Variants in TMEM266 observed in about 807,000 individuals in gnomAD.
The protein encoded by TMEM266 is Hv1 related protein 1.
TMEM266 carries 33 observed loss-of-function variants against 50.5 expected under a neutral mutation model. The observed-to-expected ratio is 0.65, with a 90% CI of 0.50 to 0.87. The LOEUF is 0.87. Ranked by LOEUF, TMEM266 falls within the 40% of genes least tolerant of loss-of-function variation. The pLI, the probability that TMEM266 is intolerant of heterozygous loss-of-function variation, is 0.00. For synonymous variants in TMEM266, 310 were observed against 292.3 expected (o/e 1.06, Z -0.62); for missense variants, 655 against 695.1 (o/e 0.94, Z 0.65).
At chr15:76,103,504 T>C (rs2037035433) in intron 1 of TMEM266, among the ~76,000 whole-genome samples, 1 of 151,946 alleles carries the variant, frequency 6.6e-6, no homozygotes, top group Non-Finnish European at 1.5e-5. Flanking sequence ...AAGGGTCGAG[T>C]TATTGTTTAC....
intron 1 of TMEM266, among the ~76,000 whole-genome samples, chr15:76,120,190 A>G (rs1360195928): frequency 2.0e-5 from 3 of 152,148 alleles, no homozygotes; most frequent in Non-Finnish European, 4.4e-5. Context: ...GAATGTTTCT[A>G]ATAGCACTTT....
chr15:76,123,433 T>C (rs994954583), intron 1 of TMEM266, among the ~76,000 whole-genome samples: 1 of 152,198 alleles, frequency 6.6e-6, no homozygotes, highest in Non-Finnish European at 1.5e-5. Flanking sequence ...TTTATGATGT[T>C]AGAACTGAAC....
At chr15:76,115,528 C>T (rs940882190) in intron 1 of TMEM266, among the ~76,000 whole-genome samples, 1 of 152,206 alleles carries the variant, frequency 6.6e-6, no homozygotes, top group African/African-American at 2.4e-5. Context: ...CCACCACCTG[C>T]GTCCTGGCCA....
intron 3 of TMEM266, among the ~76,000 whole-genome samples, chr15:76,151,286 A>G (rs191066123): frequency 6.6e-6 from 1 of 152,258 alleles, no homozygotes; most frequent in Admixed American, 6.5e-5. Context: ...TTACTGAACC[A>G]CTCAGGAATC....
At chr15:76,174,506 G>T (rs962871176) in intron 7 of TMEM266, among the ~76,000 whole-genome samples, 1 of 151,800 alleles carries the variant, frequency 6.6e-6, no homozygotes, top group African/African-American at 2.4e-5. Context: ...AGCTGAGATC[G>T]CCCACTGCAC....
At chr15:76,191,857 C>T in intron 8 of TMEM266, 111 bp from the exon 9 acceptor site, 2 of 1,004,030 alleles carry the variant, frequency 2.0e-6, no homozygotes, top group Non-Finnish European at 2.8e-6. Context: ...GGAGGCTCAG[C>T]CCAGTCCTCC....
At chr15:76,083,774 C>T (rs1025092938) in intron 1 of TMEM266, among the ~76,000 whole-genome samples, 4 of 152,114 alleles carry the variant, frequency 2.6e-5, no homozygotes, top group African/African-American at 7.2e-5. Context: ...TTTAATTCAC[C>T]ATTCTGTGTA....
At chr15:76,107,408 A>G (rs2037100001) in intron 1 of TMEM266, among the ~76,000 whole-genome samples, 1 of 152,180 alleles carries the variant, frequency 6.6e-6, no homozygotes, top group Non-Finnish European at 1.5e-5. Flanking sequence ...CTAATAAGTG[A>G]CTGCGTTGAG....
intron 7 of TMEM266, among the ~76,000 whole-genome samples, chr15:76,173,293 G>C (rs1346395618): frequency 6.6e-6 from 1 of 152,214 alleles, no homozygotes; most frequent in Non-Finnish European, 1.5e-5. Flanking sequence ...GAGAGGAAAT[G>C]TGGAGGGTTC....
intron 1 of TMEM266, among the ~76,000 whole-genome samples, chr15:76,102,770 C>T (rs1177783616): frequency 1.4e-5 from 2 of 141,380 alleles, no homozygotes; most frequent in Admixed American, 1.5e-4. Context: ...ACCCGGGAGG[C>T]GGAGGTTGCA....
rs2037871514 is a variant in TMEM266, at chr15:76,153,264, A to C, written c.228-3340A>C. Among the ~76,000 whole-genome samples the C allele has an allele frequency of 6.6e-6, 1 of 152,220 alleles. No individual in the cohort carries two copies. The highest frequency in any genetic ancestry group is 1.5e-5 in the Non-Finnish European group (1 of 68,048). Reference sequence around the variant, plus strand: ...GAATATATGGAACTAGTGCTCCTGAATACAATGCTTCGTTTCATTCCCTAC... The same window carrying C: ...GAATATATGGAACTAGTGCTCCTGACTACAATGCTTCGTTTCATTCCCTAC... On this transcript the variant is annotated intron_variant, in intron 3 of 10. Transcript: ENST00000388942. This position sits in a 1 kb window ranked among gnomAD's most constrained non-coding sequence, Gnocchi z 4.2.
At chr15:76,132,882 C>T (rs1408063423) in intron 1 of TMEM266, among the ~76,000 whole-genome samples, 1 of 149,918 alleles carries the variant, frequency 6.7e-6, no homozygotes, top group African/African-American at 2.4e-5. Context: ...CACCTGTAAT[C>T]CCAGCACTTT....
rs2142082264 is a variant in TMEM266 at position 76,192,037 on chromosome 15, G to A, written c.838G>A (p.Ala280Thr). 9.0e-6 allele frequency: 14 copies of A among 1,561,742 alleles called. No individual in the cohort carries two copies. Among genetic ancestry groups the A allele is most frequent in the Non-Finnish European group, 1.2e-5 (14 of 1,160,100 alleles). Residue 280 changes from alanine (A) to threonine (T), a missense_variant, in exon 9 of 11, where the codon GCG (alanine) becomes ACG (threonine). Around this residue, in one of 3 missense-constraint regions of TMEM266, gnomAD observed 455 missense variants for 401.8 expected, o/e 1.13. Coordinates refer to ENST00000388942, the MANE Select transcript of TMEM266 (RefSeq NM_152335.3). Reference sequence around the variant, plus strand: ...GGACCTGGCTGCCGAGCGCGAAGCGGCGCTCCAGGCCCCGCACGTGCTCAG... The same window carrying A: ...GGACCTGGCTGCCGAGCGCGAAGCGACGCTCCAGGCCCCGCACGTGCTCAG...
intron 5 of TMEM266, among the ~76,000 whole-genome samples, chr15:76,166,240 G>A (rs1305293118): frequency 1.3e-5 from 2 of 152,134 alleles, no homozygotes; most frequent in Non-Finnish European, 2.9e-5. Flanking sequence ...CTGCGGGGGG[G>A]AAAAGCCAGC....
intron 8 of TMEM266, among the ~76,000 whole-genome samples, chr15:76,185,704 G>A (rs1244678203): frequency 3.3e-5 from 5 of 152,176 alleles, no homozygotes; most frequent in African/African-American, 1.2e-4. Context: ...CATTGATGAT[G>A]CATTTTAGAG....
chr15:76,129,436 G>T (rs1187143826), intron 1 of TMEM266, among the ~76,000 whole-genome samples: 1 of 152,116 alleles, frequency 6.6e-6, no homozygotes, highest in Non-Finnish European at 1.5e-5. Flanking sequence ...GAGTTAGGGG[G>T]TTCGAGACTA....
rs75500886 is a variant in TMEM266, at chr15:76,138,271, A to G, written c.227+376A>G. Among the ~76,000 whole-genome samples, 1,129 of 149,672 alleles carry G rather than the reference A, an allele frequency of 7.5e-3. 13 individuals carry two copies. The highest frequency in any genetic ancestry group is 0.026 in the African/African-American group (1,071 of 40,814). On this transcript the variant is annotated intron_variant, in intron 3 of 10. Transcript: ENST00000388942. ...AAAAATTCCCTGGGTTTCTATGGAT[A>G]TCTTCCAAGAAGCAGCAGCCAAGAT... is the stretch of plus-strand genomic sequence containing the variant.
rs1046654950 is a variant in TMEM266 at position 76,160,707 on chromosome 15, T to A, written c.456+539T>A. On this transcript the variant is annotated intron_variant, in intron 5 of 10. Coordinates refer to ENST00000388942, the MANE Select transcript of TMEM266 (RefSeq NM_152335.3). This position sits in a 1 kb window ranked among gnomAD's most constrained non-coding sequence, Gnocchi z 5.7. ...GTCTGACAGGGCCGAAAGATGTGCC[T>A]CTCAGTGTGAGTGCGAGGCTGTATT... is the stretch of plus-strand genomic sequence containing the variant. 1.3e-5 allele frequency among the ~76,000 whole-genome samples: 2 copies of A among 152,116 alleles called. No homozygotes were observed. The highest frequency in any genetic ancestry group is 4.8e-5 in the African/African-American group (2 of 41,418).
intron 1 of TMEM266, among the ~76,000 whole-genome samples, chr15:76,075,381 T>G (rs1467831498): frequency 6.6e-6 from 1 of 152,128 alleles, no homozygotes; most frequent in East Asian, 1.9e-4. Flanking sequence ...CCAGATGGTG[T>G]GGTCTCCTGA....
Sources: allele counts gnomAD v4.1 joint callset (sites outside exome capture counted in the v4.1 genomes callset), GRCh38; gene constraint gnomAD v4.1.1; regional missense constraint gnomAD v4.1.1; non-coding constraint Gnocchi (gnomAD v3.1); transcripts MANE v1.5; gene names NCBI Gene and HGNC (gene_info 2026-07-23, HGNC 2026-07-21).